ZNF660: variants seen among roughly 807,000 people sequenced by gnomAD.
The protein encoded by ZNF660 is zinc finger protein 660.
Under a neutral mutation model 23.2 loss-of-function variants are expected in ZNF660, and 24 were observed. That is an observed-to-expected ratio of 1.04 (90% CI 0.75 to 1.46). The LOEUF is 1.46. ZNF660 is among the 40% of genes most tolerant of loss of function. ZNF660 has a pLI of 0.00. For synonymous variants in ZNF660, 117 were observed against 131.4 expected (o/e 0.89, Z 0.75); for missense variants, 373 against 396.8 (o/e 0.94, Z 0.51).
Position 44,594,817 on chromosome 3 carries a change from T to C in ZNF660, c.624T>C (p.His208=). ...TCGSNTKIMD[H]QRIHTGEKPY... The stretch of plus-strand genomic sequence containing the variant: ...GTTCTAATACAAAGATTATGGACCA[T>C]CAGAGAATTCACACTGGAGAGAAGC... Residue 208 remains histidine (H), a synonymous_variant, in exon 3 of 3, where the codon CAT becomes CAC. Coordinates refer to ENST00000322734, the MANE Select transcript of ZNF660 (RefSeq NM_173658.4). 1 of 1,614,126 alleles carries C rather than the reference T, an allele frequency of 6.2e-7. No individual in the cohort carries two copies. The highest frequency in any genetic ancestry group is 1.1e-5 in the South Asian group (1 of 91,088).
chr3:44,594,755 A>G lies in ZNF660; in HGVS notation c.562A>G (p.Lys188Glu), dbSNP rs747262714. ...TQHQRMHRGK[K>E]VYKCKECGKT... Reference sequence around the variant, plus strand: ...ACATCAGCGAATGCACAGAGGAAAAAAAGTTTACAAATGTAAGGAGTGTGG... The same window carrying G: ...ACATCAGCGAATGCACAGAGGAAAAGAAGTTTACAAATGTAAGGAGTGTGG... Residue 188 changes from lysine (K) to glutamate (E), a missense_variant, in exon 3 of 3, where the codon AAA becomes GAA. Lys to Glu is a moderately conservative substitution (Grantham distance 56). Transcript: ENST00000322734. The G allele has an allele frequency of 1.2e-6, 2 of 1,614,152 alleles. No individual in the cohort carries two copies. The highest frequency in any genetic ancestry group is 2.2e-5 in the South Asian group (2 of 91,080).
At chr3:44,593,887 T>C in intron 2 of ZNF660, 127 bp from the exon 3 acceptor site, 1 of 438,330 alleles carries the variant, frequency 2.3e-6, no homozygotes, top group Non-Finnish European at 4.3e-6. Context: ...TGTCATCTTT[T>C]TGATCTGTTC....
intron 2 of ZNF660, chr3:44,586,704 G>T (rs1003503194): frequency 6.6e-6 from 1 of 152,188 alleles, no homozygotes; most frequent in African/African-American, 2.4e-5. Flanking sequence ...TGTAGAGGAG[G>T]GATGGTAGTA....
In ZNF660 at chr3:44,595,311, A is replaced by G; in HGVS notation, c.*122A>G. ...CTTCTAAGAAAATAATTAGAAGTAG[A>G]CAAAGATTAATGAAAGGGATGTTCA... On this transcript the variant is annotated 3_prime_UTR_variant, in exon 3 of 3. Coordinates refer to ENST00000322734, the MANE Select transcript of ZNF660 (RefSeq NM_173658.4). 1.7e-6 allele frequency: 2 copies of G among 1,171,176 alleles called. No homozygotes were observed. Among genetic ancestry groups the G allele is most frequent in the Non-Finnish European group, 2.3e-6 (2 of 854,760 alleles). 72.5% of individuals were successfully genotyped at this position (1,171,176 alleles called of 1,614,324 possible). A position where few individuals can be genotyped will look rare whatever the true frequency, so the allele number is the denominator to read the frequency against.
chr3:44,591,328 T>A (rs968308922), intron 2 of ZNF660, among the ~76,000 whole-genome samples: 14 of 152,174 alleles, frequency 9.2e-5, no homozygotes, highest in Non-Finnish European at 1.5e-4. Flanking sequence ...GTAGTCTCCC[T>A]GTCTTACCCT....
rs1215133432 is a variant in ZNF660 at position 44,596,178 on chromosome 3, A to C, written c.*989A>C. 9 of 157,860 alleles carry C rather than the reference A, an allele frequency of 5.7e-5. No homozygotes were observed. Among genetic ancestry groups the C allele is most frequent in the Admixed American group, 1.3e-4 (2 of 15,282 alleles). The allele number at this position is 157,860 out of a possible 1,614,324, so 9.8% of individuals were successfully genotyped here. On this transcript the variant is annotated 3_prime_UTR_variant, in exon 3 of 3. Coordinates refer to ENST00000322734, the MANE Select transcript of ZNF660 (RefSeq NM_173658.4). ...ACATGGTATATAGAGTTTAAAGGCT[A>C]AAAGTACAAACTTTGGGGTTGGAGA... is the stretch of plus-strand genomic sequence containing the variant.
In ZNF660 at chr3:44,599,567, A is replaced by G. The variant is rs1172891707; in HGVS notation, c.*4378A>G. On this transcript the variant is annotated 3_prime_UTR_variant, in exon 3 of 3. Coordinates refer to ENST00000322734, the MANE Select transcript of ZNF660 (RefSeq NM_173658.4). Reference sequence around the variant, plus strand: ...TTAATATAAAATTTAAAAGATGCCCATATTGTCAGTTGTTTTTAGTCGCCA... The same window carrying G: ...TTAATATAAAATTTAAAAGATGCCCGTATTGTCAGTTGTTTTTAGTCGCCA... 2 of 152,144 alleles carry G rather than the reference A, an allele frequency of 1.3e-5. No individual in the cohort carries two copies. The highest frequency in any genetic ancestry group is 2.9e-5 in the Non-Finnish European group (2 of 68,006). 9.4% of individuals were successfully genotyped at this position (152,144 alleles called of 1,614,324 possible).
rs1449163936 is a variant in ZNF660 at position 44,595,628 on chromosome 3, T to A, written c.*439T>A. 3 of 169,152 alleles carry A rather than the reference T, an allele frequency of 1.8e-5. No homozygotes were observed. The highest frequency in any genetic ancestry group is 7.2e-5 in the African/African-American group (3 of 41,468). The allele number at this position is 169,152 out of a possible 1,614,324, so 10.5% of individuals were successfully genotyped here. On this transcript the variant is annotated 3_prime_UTR_variant, in exon 3 of 3. Coordinates refer to ENST00000322734, the MANE Select transcript of ZNF660 (RefSeq NM_173658.4). Reference sequence around the variant, plus strand: ...TGATTTCTATTTTCTTCTGTATACTTTTCTATGCTTTCTAGATTATCTACA... The same window carrying A: ...TGATTTCTATTTTCTTCTGTATACTATTCTATGCTTTCTAGATTATCTACA...
Position 44,594,339 on chromosome 3 carries a change from A to C in ZNF660, c.146A>C (p.Gln49Pro), listed in dbSNP as rs774346593. ...TNERVQAEKR[Q>P]YVCTECGKAF... ...GAGAGAGTTCAGGCTGAAAAGAGAC[A>C]GTATGTATGTACTGAGTGTGGGAAA... The change falls in exon 3 of 3, where the codon CAG becomes CCG. Residue 49 changes from glutamine to proline, a missense_variant. Gln to Pro is a moderately conservative substitution (Grantham distance 76). Coordinates refer to ENST00000322734, the MANE Select transcript of ZNF660 (RefSeq NM_173658.4). The C allele has an allele frequency of 5.6e-6, 9 of 1,614,240 alleles. No homozygotes were observed. The highest frequency in any genetic ancestry group is 8.5e-7 in the Non-Finnish European group (1 of 1,180,048).
intron 2 of ZNF660, among the ~76,000 whole-genome samples, chr3:44,589,619 G>A (rs1700347555): frequency 6.6e-6 from 1 of 152,198 alleles, no homozygotes; most frequent in Non-Finnish European, 1.5e-5. Context: ...AATAACAAGA[G>A]TGGAGAATAG....
At chr3:44,589,975 T>C (rs1264901106) in intron 2 of ZNF660, among the ~76,000 whole-genome samples, 3 of 151,000 alleles carry the variant, frequency 2.0e-5, no homozygotes, top group Non-Finnish European at 4.4e-5. Flanking sequence ...TTTTTTTTTT[T>C]TTTTTTTGAG....
intron 2 of ZNF660, among the ~76,000 whole-genome samples, chr3:44,588,100 TA>T (rs1481058983): frequency 1.3e-5 from 2 of 152,292 alleles, no homozygotes; most frequent in East Asian, 3.9e-4. Flanking sequence ...GTGACTGGGT[TA>T]ATTGTAAAGA....
intron 1 of ZNF660, among the ~76,000 whole-genome samples, chr3:44,585,328 C>G (rs2125741883): frequency 6.6e-6 from 1 of 152,266 alleles, no homozygotes. Flanking sequence ...CTCCACAGCC[C>G]CTGAGTATTT....
At chr3:44,589,959 CTTTTTTTTTT>C (rs397876489) in intron 2 of ZNF660, among the ~76,000 whole-genome samples, 4 of 102,974 alleles carry the variant, frequency 3.9e-5, no homozygotes, top group African/African-American at 1.2e-4. Context: ...AACCCTGTGC[CTTTTTTTTTT>C]TTTTTTTTTT....
At position 44,594,726 on chromosome 3, in the gene ZNF660, C is replaced by G. The variant is rs1700551539; in HGVS notation, c.533C>G (p.Thr178Ser). 2.5e-6 allele frequency: 4 copies of G among 1,613,302 alleles called. No homozygotes were observed. The South Asian group carries it at 4.4e-5, about 18-fold the overall frequency. The part of the protein sequence containing the change: ...GKAFSRSSNL[T>S]QHQRMHRGKK... ...GCCTTTAGCCGTAGTTCAAACCTTA[C>G]TCAACATCAGCGAATGCACAGAGGA... is the stretch of plus-strand genomic sequence containing the variant. Residue 178 changes from threonine to serine, a missense_variant, in exon 3 of 3, where the codon ACT becomes AGT. Physicochemically the swap from Thr to Ser is moderately conservative, Grantham distance 58 (BLOSUM62 1). Transcript: ENST00000322734.
At chr3:44,593,880 C>T in intron 2 of ZNF660, 134 bp from the exon 3 acceptor site, 1 of 420,682 alleles carries the variant, frequency 2.4e-6, no homozygotes, top group Non-Finnish European at 4.5e-6. Context: ...TCATTTTTGT[C>T]ATCTTTTTGA....
In ZNF660 at chr3:44,595,348, T is replaced by A; in HGVS notation, c.*159T>A. The A allele has an allele frequency of 1.3e-6, 1 of 774,242 alleles. No homozygotes were observed. Among genetic ancestry groups the A allele is most frequent in the South Asian group, 3.5e-5 (1 of 28,850 alleles). The allele number at this position is 774,242 out of a possible 1,614,324, so 48.0% of individuals were successfully genotyped here. A position where few individuals can be genotyped will look rare whatever the true frequency, so the allele number is the denominator to read the frequency against. Reference sequence around the variant, plus strand: ...GAAAGGGATGTTCATGACAGCATCATATACGACTGAAAGAAGAAAACTAGA... The same window carrying A: ...GAAAGGGATGTTCATGACAGCATCAAATACGACTGAAAGAAGAAAACTAGA... On this transcript the variant is annotated 3_prime_UTR_variant, in exon 3 of 3. Coordinates refer to ENST00000322734, the MANE Select transcript of ZNF660 (RefSeq NM_173658.4).
intron 2 of ZNF660, among the ~76,000 whole-genome samples, chr3:44,588,677 T>A (rs1559439944): frequency 6.6e-6 from 1 of 151,986 alleles, no homozygotes; most frequent in African/African-American, 2.4e-5. Flanking sequence ...AAAATATTTT[T>A]ACCCAGGCTG....
chr3:44,589,236 T>C (rs184959205), intron 2 of ZNF660, among the ~76,000 whole-genome samples: 16 of 152,352 alleles, frequency 1.1e-4, no homozygotes, highest in Admixed American at 3.9e-4. Flanking sequence ...CTAATCTTCC[T>C]AAAGAGTTCT....
Sources: allele counts gnomAD v4.1 joint callset (sites outside exome capture counted in the v4.1 genomes callset), GRCh38; gene constraint gnomAD v4.1.1; transcripts MANE v1.5; gene names NCBI Gene and HGNC (gene_info 2026-07-23, HGNC 2026-07-21).